Variants in EXT1 observed in about 807,000 individuals in gnomAD.
EXT1 encodes exostosin-1.
A neutral mutation model predicts 82.5 loss-of-function variants in EXT1; 20 were observed. The ratio of observed to expected loss-of-function variants is 0.24; its 90% CI spans 0.17 to 0.35. The LOEUF (loss-of-function observed/expected upper bound fraction) is 0.35. EXT1 is among the 10% of genes least tolerant of loss of function. The pLI is 1.00. For synonymous variants in EXT1, 348 were observed against 350.8 expected (o/e 0.99, Z 0.09); for missense variants, 757 against 936.5 (o/e 0.81, Z 2.50).
rs775065346 is a variant in EXT1 at position 117,837,221 on chromosome 8, A to C, written c.963-20T>G. 2 of 1,593,610 alleles carry C rather than the reference A, an allele frequency of 1.3e-6. No homozygotes were observed. Among genetic ancestry groups the C allele is most frequent in the Non-Finnish European group, 1.7e-6 (2 of 1,161,530 alleles). On this transcript the variant is annotated intron_variant, in intron 1 of 10. Coordinates refer to ENST00000378204, the MANE Select transcript of EXT1 (RefSeq NM_000127.3). Reference sequence around the variant, plus strand: ...TCATACCTAGAAAGAGAAGAGGAGTAAACAGCAAATGAAGACTCATTGCGA... The same window carrying C: ...TCATACCTAGAAAGAGAAGAGGAGTCAACAGCAAATGAAGACTCATTGCGA...
chr8:118,058,116 A>C (rs564982945), intron 1 of EXT1, among the ~76,000 whole-genome samples: 1 of 152,304 alleles, frequency 6.6e-6, no homozygotes, highest in Admixed American at 6.5e-5. Flanking sequence ...TTCCACATCA[A>C]ATAACTTCCC....
At chr8:117,858,458 G>A (rs971910470) in intron 1 of EXT1, among the ~76,000 whole-genome samples, 2 of 151,998 alleles carry the variant, frequency 1.3e-5, no homozygotes, top group African/African-American at 2.4e-5. Flanking sequence ...GATCATTTGA[G>A]GTCAGGAGTT....
chr8:117,904,321 C>T (rs549557519), intron 1 of EXT1, among the ~76,000 whole-genome samples: 160 of 152,234 alleles, frequency 1.1e-3, no homozygotes, highest in Non-Finnish European at 5.0e-4. Flanking sequence ...TATTTTTAAG[C>T]ATGCAAACTT....
At chr8:117,860,614 T>C (rs1812665849) in intron 1 of EXT1, among the ~76,000 whole-genome samples, 2 of 152,242 alleles carry the variant, frequency 1.3e-5, no homozygotes, top group South Asian at 4.1e-4. Flanking sequence ...TCACAAGCAG[T>C]ATCCTTCTGG....
rs552710259 is a variant in EXT1, at chr8:117,880,921, T to C, written c.963-43720A>G. ...TGACTCTTTTATGAACTCTTTTGTT[T>C]GTTGGGTTTATCGACCTATTAACCT... On this transcript the variant is annotated intron_variant, in intron 1 of 10. Transcript: ENST00000378204. 3.9e-5 allele frequency among the ~76,000 whole-genome samples: 6 copies of C among 152,290 alleles called. 1 individual carries two copies. The South Asian group carries it at 1.2e-3, about 32-fold the overall frequency.
intron 1 of EXT1, among the ~76,000 whole-genome samples, chr8:118,073,327 T>C (rs1004395931): frequency 8.5e-5 from 13 of 152,118 alleles, no homozygotes; most frequent in East Asian, 1.9e-4. Flanking sequence ...TCATCAGAAA[T>C]AGATGAGCTC....
chr8:117,809,669 C>T (rs1823292371), intron 8 of EXT1, among the ~76,000 whole-genome samples: 1 of 150,852 alleles, frequency 6.6e-6, no homozygotes, highest in Admixed American at 6.6e-5. Flanking sequence ...GGGGAAAAAA[C>T]CCGGGTGGTG....
At chr8:117,959,634 G>A (rs1215419113) in intron 1 of EXT1, among the ~76,000 whole-genome samples, 1 of 152,184 alleles carries the variant, frequency 6.6e-6, no homozygotes, top group Non-Finnish European at 1.5e-5. Context: ...CAGTAAGGGA[G>A]ATAATTATAT....
rs1586318512 is a variant in EXT1 at position 117,973,815 on chromosome 8, G to GA, written c.962+136269_962+136270insT. On this transcript the variant is annotated intron_variant, in intron 1 of 10. Transcript: ENST00000378204. The stretch of plus-strand genomic sequence containing the variant: ...AAAAGAAAAGAGAAAGGAAAGGAAA[G>GA]GAAAGGAAAGGAAAGGAAAGGAAAG... Among the ~76,000 whole-genome samples, 3 of 58,148 alleles carry GA rather than the reference G, an allele frequency of 5.2e-5. No individual in the cohort carries two copies. In the East Asian group the frequency reaches 1.4e-3, roughly 27 times the overall value. The allele number at this position is 58,148 out of a possible 152,430, so 38.1% of individuals were successfully genotyped here.
At chr8:117,898,233 G>A (rs1416133968) in intron 1 of EXT1, among the ~76,000 whole-genome samples, 1 of 152,188 alleles carries the variant, frequency 6.6e-6, no homozygotes, top group Non-Finnish European at 1.5e-5. Context: ...GGGCTTCCAA[G>A]ATCCCATACT....
intron 1 of EXT1, among the ~76,000 whole-genome samples, chr8:117,962,134 C>CTCAT (rs10657425): frequency 0.75 from 113,858 of 151,758 alleles, 44,119 homozygotes; most frequent in African/African-American, 0.94. Flanking sequence ...TGATTTCTTC[C>CTCAT]TCAGTCACCA....
At chr8:117,957,187 T>C (rs1182088429) in intron 1 of EXT1, among the ~76,000 whole-genome samples, 2 of 152,172 alleles carry the variant, frequency 1.3e-5, no homozygotes, top group Non-Finnish European at 2.9e-5. Flanking sequence ...ACAGCAAATA[T>C]TAAAAGCAGA....
At chr8:117,864,076 C>T (rs1324159812) in intron 1 of EXT1, among the ~76,000 whole-genome samples, 1 of 152,084 alleles carries the variant, frequency 6.6e-6, no homozygotes, top group Admixed American at 6.6e-5. Context: ...AATTCTATAC[C>T]TACTCCGTCC....
intron 1 of EXT1, among the ~76,000 whole-genome samples, chr8:117,955,738 T>C (rs1363219131): frequency 6.6e-6 from 1 of 152,182 alleles, no homozygotes; most frequent in Non-Finnish European, 1.5e-5. Flanking sequence ...GTATTTTTAG[T>C]TGAGAGGAGG....
chr8:118,065,435 A>C (rs575185608), intron 1 of EXT1, among the ~76,000 whole-genome samples: 4 of 152,290 alleles, frequency 2.6e-5, no homozygotes. Flanking sequence ...AACAAAACAA[A>C]ACAACAACAA....
chr8:117,994,889 T>C (rs1815504881), intron 1 of EXT1, among the ~76,000 whole-genome samples: 1 of 152,174 alleles, frequency 6.6e-6, no homozygotes, highest in Admixed American at 6.5e-5. Context: ...GAATCCTAAA[T>C]CTGAACACCA....
intron 1 of EXT1, among the ~76,000 whole-genome samples, chr8:118,027,540 A>G (rs925135159): frequency 6.6e-6 from 1 of 152,210 alleles, no homozygotes; most frequent in Non-Finnish European, 1.5e-5. Context: ...GCTTGCTCTC[A>G]GTATCAGCTT....
chr8:117,841,225 C>T (rs183795399), intron 1 of EXT1, among the ~76,000 whole-genome samples: 2 of 152,276 alleles, frequency 1.3e-5, no homozygotes, highest in African/African-American at 4.8e-5. Context: ...GCCTACAATC[C>T]TTCTCAGCAA....
chr8:117,840,439 C>T (rs17474699), intron 1 of EXT1, among the ~76,000 whole-genome samples: 1 of 151,978 alleles, frequency 6.6e-6, no homozygotes, highest in Non-Finnish European at 1.5e-5. Flanking sequence ...ATGGTGTAAC[C>T]TCAACTCTAC....
Sources: allele counts gnomAD v4.1 joint callset (sites outside exome capture counted in the v4.1 genomes callset), GRCh38; gene constraint gnomAD v4.1.1; transcripts MANE v1.5; gene names NCBI Gene and HGNC (gene_info 2026-07-23, HGNC 2026-07-21).